SRL: variants seen among roughly 807,000 people sequenced by gnomAD.
The protein encoded by SRL is sarcalumenin.
SRL carries 23 observed loss-of-function variants against 39.5 expected under a neutral mutation model. The ratio of observed to expected loss-of-function variants is 0.58; its 90% CI spans 0.42 to 0.82. The LOEUF is 0.82. Among genes scored for constraint, SRL ranks in the 40% least tolerant of loss-of-function variants. The pLI is 0.00. For missense variants in SRL, 592 were observed against 607.8 expected (o/e 0.97, Z 0.27); for synonymous variants, 272 against 237.4 (o/e 1.15, Z -1.34).
Position 4,197,786 on chromosome 16 carries a change from G to A in SRL, c.376+13C>T, listed in dbSNP as rs376178448. ...CATTCAAATCCCAACAATCACACAA[G>A]AATATTGATTACCTGTATAGAGCTG... On this transcript the variant is annotated intron_variant, in intron 4 of 5. Coordinates refer to ENST00000399609, the MANE Select transcript of SRL (RefSeq NM_001098814.2). 7.6e-5 allele frequency: 116 copies of A among 1,524,466 alleles called. No individual in the cohort carries two copies. The highest frequency in any genetic ancestry group is 9.9e-5 in the Non-Finnish European group (109 of 1,098,766). 94.4% of individuals were successfully genotyped at this position (1,524,466 alleles called of 1,614,324 possible). A position where few individuals can be genotyped will look rare whatever the true frequency, so the allele number is the denominator to read the frequency against.
intron 1 of SRL, among the ~76,000 whole-genome samples, chr16:4,209,284 G>C (rs1247054632): frequency 6.6e-6 from 1 of 151,284 alleles, no homozygotes; most frequent in Non-Finnish European, 1.5e-5. Flanking sequence ...AAAAAAAAAA[G>C]AAAAAAGAAA....
intron 1 of SRL, chr16:4,207,394 T>A (rs1031814596): frequency 4.4e-6 from 2 of 456,396 alleles, no homozygotes; most frequent in Non-Finnish European, 8.8e-6. Flanking sequence ...CTGGCTTGTG[T>A]GTCAATATCT....
chr16:4,193,429 G>T (rs990445385), intron 5 of SRL, among the ~76,000 whole-genome samples: 3 of 152,202 alleles, frequency 2.0e-5, no homozygotes, highest in African/African-American at 7.2e-5. Flanking sequence ...AGGATCTGGG[G>T]CAATGGCAAA....
intron 1 of SRL, chr16:4,206,990 T>G: frequency 2.2e-6 from 1 of 454,794 alleles, no homozygotes; most frequent in South Asian, 1.6e-5. Flanking sequence ...GCGCTCCACC[T>G]TCCTGGGGCT....
intron 1 of SRL, among the ~76,000 whole-genome samples, chr16:4,228,683 C>T (rs981707944): frequency 5.3e-5 from 8 of 151,318 alleles, no homozygotes; most frequent in Non-Finnish European, 1.0e-4. Context: ...TGCAGTGAGC[C>T]AAGATCATGC....
intron 1 of SRL, among the ~76,000 whole-genome samples, chr16:4,220,446 GA>G (rs1359095957): frequency 2.7e-4 from 40 of 147,954 alleles, no homozygotes; most frequent in African/African-American, 7.2e-4. Context: ...CACTGTCCTA[GA>G]AAAAAAAAAC....
At chr16:4,233,822 C>T (rs913910117) in intron 1 of SRL, among the ~76,000 whole-genome samples, 5 of 152,154 alleles carry the variant, frequency 3.3e-5, no homozygotes, top group African/African-American at 1.2e-4. Context: ...TTGTGCCATA[C>T]CCTCATGCTT....
At chr16:4,207,189 G>A (rs867976073) in intron 1 of SRL, 2 of 456,962 alleles carry the variant, frequency 4.4e-6, no homozygotes, top group South Asian at 3.1e-5. Flanking sequence ...CTCTTCGGAG[G>A]GAACTCCTCC....
At chr16:4,201,206 C>G (rs981155216) in intron 3 of SRL, among the ~76,000 whole-genome samples, 1 of 151,920 alleles carries the variant, frequency 6.6e-6, no homozygotes, top group African/African-American at 2.4e-5. Flanking sequence ...CTCTGCCTCC[C>G]AGGCTCAAAT....
At chr16:4,217,154 C>A (rs1742458022) in intron 1 of SRL, among the ~76,000 whole-genome samples, 1 of 152,206 alleles carries the variant, frequency 6.6e-6, no homozygotes. Flanking sequence ...ACGGCTATGC[C>A]TTTTCTTTCT....
chr16:4,241,445 A>G (rs961344259), intron 1 of SRL, among the ~76,000 whole-genome samples: 1 of 152,126 alleles, frequency 6.6e-6, no homozygotes, highest in Non-Finnish European at 1.5e-5. Context: ...TCTGAATTGC[A>G]TCCAATGCTG....
At position 4,190,667 on chromosome 16, in the gene SRL, A is replaced by G. The variant is rs2052049611; in HGVS notation, c.*1486T>C. On this transcript the variant is annotated 3_prime_UTR_variant, in exon 6 of 6. Coordinates refer to ENST00000399609, the MANE Select transcript of SRL (RefSeq NM_001098814.2). ...ACAACATACACACATATTCACACTT[A>G]TTGGTATTGAAGGCCCTGGCTTTCC... The G allele has an allele frequency of 2.5e-6, 1 of 393,648 alleles. No homozygotes were observed. The highest frequency in any genetic ancestry group is 4.5e-6 in the Non-Finnish European group (1 of 223,352). 24.4% of individuals were successfully genotyped at this position (393,648 alleles called of 1,614,324 possible).
chr16:4,216,744 T>TC (rs2052465177), intron 1 of SRL, among the ~76,000 whole-genome samples: 1 of 152,050 alleles, frequency 6.6e-6, no homozygotes, highest in Non-Finnish European at 1.5e-5. Flanking sequence ...GCCTGCTGCC[T>TC]CCCTTCAGAG....
chr16:4,207,816 G>C (rs377310222), intron 1 of SRL: 1 of 456,468 alleles, frequency 2.2e-6, no homozygotes, highest in South Asian at 1.5e-5. Flanking sequence ...CCCAGGCCCC[G>C]CAGCGTCCCT....
intron 4 of SRL, among the ~76,000 whole-genome samples, chr16:4,197,132 G>A (rs186517114): frequency 4.8e-4 from 64 of 133,772 alleles, no homozygotes; most frequent in Admixed American, 1.5e-3. Context: ...GCAGTGGCGC[G>A]ATTTTGGCTC....
chr16:4,201,441 C>A (rs1486622145), intron 3 of SRL, among the ~76,000 whole-genome samples: 1 of 151,350 alleles, frequency 6.6e-6, no homozygotes, highest in Non-Finnish European at 1.5e-5. Flanking sequence ...CACACCCAGC[C>A]AATTTTTGGA....
Position 4,192,030 on chromosome 16 carries a change from C to G in SRL, c.*123G>C, listed in dbSNP as rs2052071810. ...CCCCGACCCCTGGCCTCAATGAACT[C>G]CCAACTCTCCACTGTGTAATAATTC... On this transcript the variant is annotated 3_prime_UTR_variant, in exon 6 of 6. Transcript: ENST00000399609. The surrounding 1 kb of genome is among the most constrained non-coding windows in gnomAD (Gnocchi z 4.0). 1 of 1,152,378 alleles carries G rather than the reference C, an allele frequency of 8.7e-7. No homozygotes were observed. Among genetic ancestry groups the G allele is most frequent in the African/African-American group, 1.6e-5 (1 of 64,410 alleles). The allele number at this position is 1,152,378 out of a possible 1,614,324, so 71.4% of individuals were successfully genotyped here.
At chr16:4,203,455 C>A (rs1170562659) in intron 2 of SRL, among the ~76,000 whole-genome samples, 194 bp from the exon 3 acceptor site, 1 of 152,206 alleles carries the variant, frequency 6.6e-6, no homozygotes. Context: ...GCAGAAACCT[C>A]CAAATGAAAA....
At chr16:4,216,871 T>A (rs1286201738) in intron 1 of SRL, among the ~76,000 whole-genome samples, 2 of 152,082 alleles carry the variant, frequency 1.3e-5, no homozygotes, top group African/African-American at 2.4e-5. Flanking sequence ...AAATCCAATC[T>A]CCCTGGGATC....
Sources: allele counts gnomAD v4.1 joint callset (sites outside exome capture counted in the v4.1 genomes callset), GRCh38; gene constraint gnomAD v4.1.1; non-coding constraint Gnocchi (gnomAD v3.1); transcripts MANE v1.5; gene names NCBI Gene and HGNC (gene_info 2026-07-23, HGNC 2026-07-21).